Variants in MICU2 observed in about 807,000 individuals in gnomAD.
MICU2 encodes calcium uptake protein 2, mitochondrial.
MICU2 carries 64 observed loss-of-function variants against 60.4 expected under a neutral mutation model. The ratio of observed to expected loss-of-function variants is 1.06; its 90% CI spans 0.87 to 1.31. MICU2 has a LOEUF of 1.31. Ranked by LOEUF, MICU2 falls within the 50% of genes most tolerant of loss-of-function variation. MICU2 has a pLI of 0.00. For synonymous variants in MICU2, 201 were observed against 175.0 expected (o/e 1.15, Z -1.17); for missense variants, 569 against 531.0 (o/e 1.07, Z -0.70).
intron 5 of MICU2, 138 bp from the exon 6 acceptor site, chr13:21,521,465 T>C (rs1886716098): frequency 1.1e-5 from 7 of 622,396 alleles, no homozygotes; most frequent in Non-Finnish European, 1.4e-5. Flanking sequence ...TGATTTCTTA[T>C]AACAATTCCA....
At chr13:21,538,000 TC>T (rs1887176183) in intron 4 of MICU2, among the ~76,000 whole-genome samples, 1 of 152,106 alleles carries the variant, frequency 6.6e-6, no homozygotes, top group Non-Finnish European at 1.5e-5. Flanking sequence ...TATTCATACT[TC>T]CTTTGTATTG....
In MICU2 at chr13:21,530,397, C is replaced by T. The variant is rs142212857; in HGVS notation, c.467-7747G>A. 1.7e-3 allele frequency among the ~76,000 whole-genome samples: 254 copies of T among 151,670 alleles called. 2 individuals are homozygous for T. Among genetic ancestry groups the T allele is most frequent in the African/African-American group, 5.9e-3 (245 of 41,334 alleles). ...AGACTTTGCCTAAGGGGGGAAAATC[C>T]TATTTTTCTAATAGTTCATCACTAA... is the stretch of plus-strand genomic sequence containing the variant. On this transcript the variant is annotated intron_variant, in intron 4 of 11. Transcript: ENST00000382374.
At chr13:21,585,860 T>C (rs191178310) in intron 1 of MICU2, among the ~76,000 whole-genome samples, 1 of 152,262 alleles carries the variant, frequency 6.6e-6, no homozygotes, top group African/African-American at 2.4e-5. Flanking sequence ...AAAAAATGAG[T>C]TCAAAATATG....
intron 1 of MICU2, among the ~76,000 whole-genome samples, chr13:21,593,571 C>CAAAAAAAAAA (rs71093338): frequency 4.1e-4 from 26 of 63,028 alleles, no homozygotes; most frequent in Non-Finnish European, 5.1e-4. Context: ...CAATCCTAAG[C>CAAAAAAAAAA]AAAAAAAAAA....
At chr13:21,537,655 G>C (rs1467108304) in intron 4 of MICU2, among the ~76,000 whole-genome samples, 2 of 151,880 alleles carry the variant, frequency 1.3e-5, no homozygotes, top group Admixed American at 1.3e-4. Context: ...GTTTTTAGTA[G>C]AGACAGGGTT....
At chr13:21,539,564 C>G in intron 3 of MICU2, 93 bp downstream of exon 3, 1 of 1,529,168 alleles carries the variant, frequency 6.5e-7, no homozygotes, top group South Asian at 1.1e-5. Context: ...TCCCAAAGTG[C>G]TGGGATTACA....
At chr13:21,539,004 T>A (rs1317765735) in intron 4 of MICU2, among the ~76,000 whole-genome samples, 1 of 151,766 alleles carries the variant, frequency 6.6e-6, no homozygotes, top group Non-Finnish European at 1.5e-5. Context: ...CCTCTCTGAT[T>A]ACTCTGCCAT....
chr13:21,599,532 A>G (rs1385844690), intron 1 of MICU2, among the ~76,000 whole-genome samples: 8 of 152,260 alleles, frequency 5.3e-5, no homozygotes, highest in Admixed American at 5.2e-4. Flanking sequence ...AACATGATCT[A>G]AAACAAGTTC....
At chr13:21,593,835 A>G (rs1801095147) in intron 1 of MICU2, among the ~76,000 whole-genome samples, 1 of 152,226 alleles carries the variant, frequency 6.6e-6, no homozygotes, top group Non-Finnish European at 1.5e-5. Context: ...CCATATGCAG[A>G]AAACAGAAAC....
rs368409215 is a variant in MICU2, at chr13:21,550,320, TG to T, written c.359-10633del. On this transcript the variant is annotated intron_variant, in intron 2 of 11. Transcript: ENST00000382374. Reference sequence around the variant, plus strand: ...TGGAGGCCAAGACGGGAGGATCACTTGAAGCCAGGAGTTCAAGACCAGCCTG... The same window carrying T: ...TGGAGGCCAAGACGGGAGGATCACTTAAGCCAGGAGTTCAAGACCAGCCTG... Among the ~76,000 whole-genome samples the T allele has an allele frequency of 6.4e-4, 98 of 152,292 alleles. 1 individual carries two copies. In the South Asian group the frequency reaches 0.019, roughly 30 times the overall value.
intron 1 of MICU2, among the ~76,000 whole-genome samples, chr13:21,599,199 C>T (rs1888762193): frequency 6.6e-6 from 1 of 152,200 alleles, no homozygotes; most frequent in African/African-American, 2.4e-5. Context: ...TGCCTTAACA[C>T]TTTTATTATT....
Position 21,526,383 on chromosome 13 carries a change from G to A in MICU2, c.467-3733C>T, listed in dbSNP as rs557408843. On this transcript the variant is annotated intron_variant, in intron 4 of 11. Transcript: ENST00000382374. ...AATTTCTAATAGTCTATAAAATTCT[G>A]ATGACTGTATGTCCTTGGTATCATT... Among the ~76,000 whole-genome samples the A allele has an allele frequency of 3.3e-5, 5 of 152,076 alleles. No individual in the cohort carries two copies. The South Asian group carries it at 1.0e-3, about 32-fold the overall frequency.
chr13:21,493,189 TA>T lies in MICU2; in HGVS notation c.*59del. On this transcript the variant is annotated 3_prime_UTR_variant, in exon 12 of 12. Coordinates refer to ENST00000382374, the MANE Select transcript of MICU2 (RefSeq NM_152726.3). ...TAAGAAGATAAATAGCAAGTACTTC[TA>T]AAAAATCACAAATTTTGACATTTGG... 1 of 1,204,568 alleles carries T rather than the reference TA, an allele frequency of 8.3e-7. No individual in the cohort carries two copies. The highest frequency in any genetic ancestry group is 1.4e-5 in the South Asian group (1 of 69,484). 74.6% of individuals were successfully genotyped at this position (1,204,568 alleles called of 1,614,324 possible). A position where few individuals can be genotyped will look rare whatever the true frequency, so the allele number is the denominator to read the frequency against.
At chr13:21,501,989 C>T (rs1886183503) in intron 9 of MICU2, among the ~76,000 whole-genome samples, 1 of 152,298 alleles carries the variant, frequency 6.6e-6, no homozygotes, top group African/African-American at 2.4e-5. Flanking sequence ...TTTGTAACTG[C>T]AGTAAACTTG....
intron 1 of MICU2, among the ~76,000 whole-genome samples, chr13:21,570,792 T>C (rs992391847): frequency 1.3e-5 from 2 of 152,242 alleles, no homozygotes; most frequent in African/African-American, 4.8e-5. Flanking sequence ...CTGAGTTCCA[T>C]ACCCTGTTTG....
Position 21,492,971 on chromosome 13 carries a change from C to CT in MICU2, c.*277dup, listed in dbSNP as rs1885895546. The stretch of plus-strand genomic sequence containing the variant: ...CAGAAAGCATATCATATTAGAGTGT[C>CT]TAAGAAATCAGTGAATCACTAAGTT... On this transcript the variant is annotated 3_prime_UTR_variant, in exon 12 of 12. Coordinates refer to ENST00000382374, the MANE Select transcript of MICU2 (RefSeq NM_152726.3). 1 of 229,324 alleles carries CT rather than the reference C, an allele frequency of 4.4e-6. No individual in the cohort carries two copies. Among genetic ancestry groups the CT allele is most frequent in the South Asian group, 7.6e-5 (1 of 13,154 alleles). 14.2% of individuals were successfully genotyped at this position (229,324 alleles called of 1,614,324 possible). A position where few individuals can be genotyped will look rare whatever the true frequency, so the allele number is the denominator to read the frequency against.
intron 1 of MICU2, chr13:21,602,655 T>A (rs1167919173): frequency 6.6e-6 from 1 of 152,202 alleles, no homozygotes; most frequent in East Asian, 1.9e-4. Flanking sequence ...AGATAATAGA[T>A]CTTTCCATTA....
At chr13:21,515,003 C>A (rs1171789158) in intron 6 of MICU2, among the ~76,000 whole-genome samples, 1 of 151,938 alleles carries the variant, frequency 6.6e-6, no homozygotes, top group African/African-American at 2.4e-5. Context: ...ATAAGAACTT[C>A]AAGATTATGC....
In MICU2 at chr13:21,603,970, G is replaced by A. The variant is rs1434702413; in HGVS notation, c.179C>T (p.Ala60Val). The A allele has an allele frequency of 4.3e-6, 7 of 1,612,332 alleles. No individual in the cohort carries two copies. The African/African-American group carries it at 9.4e-5, about 22-fold the overall frequency. ...AWHHSRVSVAARDGSFTVSAQ... is the reference protein window; with the variant it reads ...AWHHSRVSVAVRDGSFTVSAQ... ...GGAGACTGTAAAACTGCCATCCCGCGCCGCAACACTGACGCGGCTGTGGTG... is the reference window on the plus strand; with the variant it reads ...GGAGACTGTAAAACTGCCATCCCGCACCGCAACACTGACGCGGCTGTGGTG... Residue 60 changes from alanine to valine, a missense_variant, in exon 1 of 12, where the codon GCG becomes GTG. Coordinates refer to ENST00000382374, the MANE Select transcript of MICU2 (RefSeq NM_152726.3).
Sources: gnomAD v4.1 joint callset for allele counts (sites outside exome capture counted in the v4.1 genomes callset) on GRCh38, gnomAD v4.1.1 for gene constraint, MANE v1.5 for transcripts, NCBI Gene and HGNC (gene_info 2026-07-23, HGNC 2026-07-21) for gene names.